The following KIAA0319 variants were observed in gnomAD, a reference collection of about 807,000 sequenced individuals.
The protein encoded by KIAA0319 is KIAA0319, also known as dyslexia-associated protein KIAA0319.
In KIAA0319, 83 loss-of-function variants were observed where a neutral mutation model predicts 108.4. The ratio of observed to expected loss-of-function variants is 0.77; its 90% CI spans 0.64 to 0.92. The LOEUF is 0.92. KIAA0319 is among the 40% of genes least tolerant of loss of function. KIAA0319 has a pLI of 0.00. For synonymous variants in KIAA0319, 484 were observed against 510.4 expected, an observed-to-expected ratio of 0.95 and a Z score of 0.70; for missense variants, 1,195 against 1,322.4, an observed-to-expected ratio of 0.90 and a Z score of 1.49.
rs1042190237 is a variant in KIAA0319, at chr6:24,633,957, T to C, written c.-106+11779A>G. ...AAGACAAACAAAAAATTAATGTGAA[T>C]AGTAAAGAAAAAAGAGGGAGAAGGA... On this transcript the variant is annotated intron_variant, in intron 1 of 20. Transcript: ENST00000378214. Among the ~76,000 whole-genome samples the C allele has an allele frequency of 7.2e-5, 11 of 151,850 alleles. 1 individual carries two copies. The highest frequency in any genetic ancestry group is 1.5e-4 in the Non-Finnish European group (10 of 67,976).
At chr6:24,606,189 G>A (rs1771376766) in intron 1 of KIAA0319, among the ~76,000 whole-genome samples, 1 of 152,120 alleles carries the variant, frequency 6.6e-6, no homozygotes, top group Admixed American at 6.6e-5. Context: ...TGCCCACCTT[G>A]GCCTCCCAAA....
chr6:24,551,557 T>A (rs572954657), intron 19 of KIAA0319, 32 bp from the exon 20 acceptor site: 1 of 1,419,490 alleles, frequency 7.0e-7, no homozygotes, highest in Middle Eastern at 1.7e-4. Context: ...TCAACTCAGA[T>A]CTTTAGAAAG....
intron 10 of KIAA0319, among the ~76,000 whole-genome samples, chr6:24,573,738 T>G (rs1256078997): frequency 6.6e-6 from 1 of 152,250 alleles, no homozygotes; most frequent in African/African-American, 2.4e-5. Context: ...TTATTTGAAC[T>G]TATTTTAGCA....
intron 5 of KIAA0319, among the ~76,000 whole-genome samples, chr6:24,582,603 T>G (rs1294520801): frequency 6.6e-6 from 1 of 151,682 alleles, no homozygotes; most frequent in East Asian, 1.9e-4. Flanking sequence ...ATGTAACATT[T>G]CTTTTTTTGT....
intron 1 of KIAA0319, among the ~76,000 whole-genome samples, chr6:24,626,920 G>A (rs1032338673): frequency 7.9e-5 from 12 of 152,106 alleles, no homozygotes; most frequent in African/African-American, 2.9e-4. Context: ...TTTGCAGGAA[G>A]GTAATAAGGT....
intron 1 of KIAA0319, among the ~76,000 whole-genome samples, chr6:24,643,925 T>C (rs1316221925): frequency 6.6e-6 from 1 of 152,264 alleles, no homozygotes; most frequent in Non-Finnish European, 1.5e-5. Flanking sequence ...AGCCACTAAG[T>C]GGCAGAGCCA....
chr6:24,559,046 A>G lies in KIAA0319; in HGVS notation c.2701T>C (p.Leu901=). Residue 901 remains leucine (L), a synonymous_variant, in exon 17 of 21, where the codon TTG becomes CTG. Coordinates refer to ENST00000378214, the MANE Select transcript of KIAA0319 (RefSeq NM_014809.4). ...TCAACCCTCAAGACCTTGAAAAGCA[A>G]GAAGTCAGCCTTCTCCTTTGAGAGC... ...MRLSKEKADF[L]LFKVLRVDTA... The G allele has an allele frequency of 6.2e-7, 1 of 1,612,996 alleles. No homozygotes were observed. The highest frequency in any genetic ancestry group is 8.5e-7 in the Non-Finnish European group (1 of 1,179,646).
At chr6:24,568,169 C>T (rs1388933389) in intron 13 of KIAA0319, among the ~76,000 whole-genome samples, 2 of 152,184 alleles carry the variant, frequency 1.3e-5, no homozygotes, top group African/African-American at 4.8e-5. Context: ...TGCCATTCTA[C>T]AATGCTTGAA....
intron 1 of KIAA0319, among the ~76,000 whole-genome samples, chr6:24,616,113 C>G (rs1773107911): frequency 6.6e-6 from 1 of 152,144 alleles, no homozygotes; most frequent in Admixed American, 6.5e-5. Flanking sequence ...GTATTAAAGA[C>G]TCTGTTGTAT....
chr6:24,576,333 C>CA (rs1561972584), intron 10 of KIAA0319, 35 bp downstream of exon 10: 2 of 1,551,418 alleles, frequency 1.3e-6, no homozygotes. Flanking sequence ...GACAGACAGA[C>CA]AGACAAAAGT....
intron 1 of KIAA0319, among the ~76,000 whole-genome samples, chr6:24,637,207 T>C (rs1315901964): frequency 6.6e-6 from 1 of 152,248 alleles, no homozygotes; most frequent in Non-Finnish European, 1.5e-5. Context: ...CAACAGTTTT[T>C]TGAGATGCTC....
chr6:24,580,645 T>C (rs1424408746), intron 7 of KIAA0319, among the ~76,000 whole-genome samples: 2 of 152,058 alleles, frequency 1.3e-5, no homozygotes, highest in Non-Finnish European at 2.9e-5. Context: ...AGGTAGAAGT[T>C]AGAGTGGATG....
At chr6:24,580,390 A>T (rs1330090754) in intron 7 of KIAA0319, among the ~76,000 whole-genome samples, 2 of 136,804 alleles carry the variant, frequency 1.5e-5, no homozygotes, top group African/African-American at 5.5e-5. Context: ...GGTACAAGGG[A>T]GGTTCACCTT....
In KIAA0319 at chr6:24,569,995, T is replaced by C; in HGVS notation, c.1899A>G (p.Lys633=). ...CACTTTCCACTGGGAAGATCAGCTC[T>C]TTATCAGGGCCGGCCACAGCCACTG... The part of the protein sequence containing the change: ...RPPVAVAGPD[K]ELIFPVESAT... The change falls in exon 12 of 21, where the codon AAA becomes AAG. Residue 633 remains lysine (K), a synonymous_variant. Coordinates refer to ENST00000378214, the MANE Select transcript of KIAA0319 (RefSeq NM_014809.4). The C allele has an allele frequency of 6.2e-7, 1 of 1,614,152 alleles. No individual in the cohort carries two copies. Among genetic ancestry groups the C allele is most frequent in the Non-Finnish European group, 8.5e-7 (1 of 1,179,972 alleles).
At chr6:24,630,710 T>TACCC (rs1775473561) in intron 1 of KIAA0319, among the ~76,000 whole-genome samples, 1 of 138,690 alleles carries the variant, frequency 7.2e-6, no homozygotes, top group Admixed American at 7.1e-5. Context: ...TATACACATA[T>TACCC]ACACACAAAC....
At chr6:24,577,034 G>A (rs955166225) in intron 9 of KIAA0319, among the ~76,000 whole-genome samples, 1 of 152,188 alleles carries the variant, frequency 6.6e-6, no homozygotes, top group Admixed American at 6.5e-5. Context: ...CTCGGAACAG[G>A]TAAAAATAGA....
chr6:24,602,264 G>A (rs1423056326), intron 1 of KIAA0319, among the ~76,000 whole-genome samples: 5 of 152,254 alleles, frequency 3.3e-5, no homozygotes, highest in Admixed American at 2.6e-4. Context: ...TGATCTGCCC[G>A]TCTTGGCCTC....
intron 1 of KIAA0319, among the ~76,000 whole-genome samples, chr6:24,614,489 G>A (rs1159057247): frequency 6.6e-6 from 1 of 152,038 alleles, no homozygotes; most frequent in Non-Finnish European, 1.5e-5. Context: ...ATTCACATTT[G>A]TAAAAACTAC....
At position 24,628,678 on chromosome 6, in the gene KIAA0319, G is replaced by C. The variant is rs970957256; in HGVS notation, c.-106+17058C>G. Among the ~76,000 whole-genome samples, 3 of 152,146 alleles carry C rather than the reference G, an allele frequency of 2.0e-5. No individual in the cohort carries two copies. In the East Asian group the frequency reaches 5.8e-4, roughly 29 times the overall value. ...TGGAAGCTGGAAGTTGGAAATCAAC[G>C]CATCAGCTGGGCCATGTCCCTCTGA... is the stretch of plus-strand genomic sequence containing the variant. On this transcript the variant is annotated intron_variant, in intron 1 of 20. Coordinates refer to ENST00000378214, the MANE Select transcript of KIAA0319 (RefSeq NM_014809.4).
Sources: allele counts gnomAD v4.1 joint callset (sites outside exome capture counted in the v4.1 genomes callset), GRCh38; gene constraint gnomAD v4.1.1; transcripts MANE v1.5; gene names NCBI Gene and HGNC (gene_info 2026-07-23, HGNC 2026-07-21).